HDAC9: variants seen among roughly 807,000 people sequenced by gnomAD.
The protein encoded by HDAC9 is MEF-2 interacting transcription repressor (MITR) protein.
HDAC9 carries 41 observed loss-of-function variants against 139.4 expected under a neutral mutation model. That is an observed-to-expected ratio of 0.29 (90% CI 0.23 to 0.38). The LOEUF (loss-of-function observed/expected upper bound fraction) is 0.38. HDAC9 is among the 10% of genes least tolerant of loss of function. The probability of loss-of-function intolerance (pLI) is 1.00; values close to 1 mark genes in which losing one functional copy is unlikely to be tolerated. For missense variants in HDAC9, 1,147 were observed against 1,297.0 expected (o/e 0.88, Z 1.78); for synonymous variants, 517 against 476.2 (o/e 1.09, Z -1.12).
intron 22 of HDAC9, 138 bp downstream of exon 22, chr7:18,874,734 G>A (rs181695034): frequency 2.2e-5 from 13 of 602,644 alleles, no homozygotes; most frequent in Admixed American, 5.5e-5. Flanking sequence ...GGTGTTTATT[G>A]CTCTGTCGGA....
chr7:18,706,160 C>CTTTTTTTTT (rs1165670432), intron 12 of HDAC9, among the ~76,000 whole-genome samples: 37 of 86,758 alleles, frequency 4.3e-4, no homozygotes, highest in East Asian at 7.4e-4. Context: ...GAAAGTTTTC[C>CTTTTTTTTT]TTTTTTTTTT....
chr7:18,780,121 C>T (rs1791119818), intron 16 of HDAC9, among the ~76,000 whole-genome samples: 1 of 152,022 alleles, frequency 6.6e-6, no homozygotes, highest in Admixed American at 6.6e-5. Context: ...GGCATTGCTA[C>T]TCATCCGTGG....
At chr7:18,695,518 CA>C (rs1782982334) in intron 12 of HDAC9, among the ~76,000 whole-genome samples, 1 of 152,150 alleles carries the variant, frequency 6.6e-6, no homozygotes, top group Admixed American at 6.5e-5. Context: ...CACTTCCAAT[CA>C]GTGACCAGAA....
intron 1 of HDAC9, among the ~76,000 whole-genome samples, chr7:18,122,234 A>G (rs1270466632): frequency 3.3e-5 from 5 of 152,198 alleles, no homozygotes; most frequent in Non-Finnish European, 5.9e-5. Flanking sequence ...CATATTTACC[A>G]GTTGAATAAA....
intron 23 of HDAC9, among the ~76,000 whole-genome samples, chr7:18,938,230 C>CA (rs71553939): frequency 0.44 from 32,444 of 74,106 alleles, 7,721 homozygotes; most frequent in East Asian, 0.65. Flanking sequence ...GACTCCGTCT[C>CA]AAAAAAAAAA....
intron 8 of HDAC9, among the ~76,000 whole-genome samples, chr7:18,641,403 G>A (rs1248191407): frequency 1.5e-5 from 2 of 132,502 alleles, no homozygotes; most frequent in African/African-American, 5.0e-5. Context: ...CAAAGAATTA[G>A]CTCTTTACTT....
Position 18,767,088 on chromosome 7 carries a change from T to C in HDAC9, c.2165-18T>C. 7.5e-7 allele frequency: 1 copy of C among 1,325,466 alleles called. No individual in the cohort carries two copies. The highest frequency in any genetic ancestry group is 2.6e-5 in the East Asian group (1 of 38,626). 82.1% of individuals were successfully genotyped at this position (1,325,466 alleles called of 1,614,324 possible). A position where few individuals can be genotyped will look rare whatever the true frequency, so the allele number is the denominator to read the frequency against. On this transcript the variant is annotated intron_variant, in intron 15 of 25. Coordinates refer to ENST00000686413, the MANE Select transcript of HDAC9 (RefSeq NM_178425.4). ...AACCTCCATTTATCTATATTTTTTA[T>C]GTCTTCTTACTGTATAGGTGATGAC...
At chr7:18,812,569 G>A (rs1794257707) in intron 17 of HDAC9, among the ~76,000 whole-genome samples, 1 of 151,614 alleles carries the variant, frequency 6.6e-6, no homozygotes, top group Middle Eastern at 3.2e-3. Context: ...TTGTTGAAAA[G>A]ATGTATATTT....
rs1382085113 is a variant in HDAC9, at chr7:19,002,343, CTTTTG to C, written c.*6288_*6292del. On this transcript the variant is annotated 3_prime_UTR_variant, in exon 26 of 26. Transcript: ENST00000686413. ...TCCTTTGAATAGAATAAAATAACCC[CTTTTG>C]TTTTGTGTTTTCTACTGAATTAGAT... 4.6e-5 allele frequency: 7 copies of C among 151,978 alleles called. No homozygotes were observed. The highest frequency in any genetic ancestry group is 8.8e-5 in the Non-Finnish European group (6 of 67,934). 9.4% of individuals were successfully genotyped at this position (151,978 alleles called of 1,614,324 possible).
intron 22 of HDAC9, among the ~76,000 whole-genome samples, chr7:18,910,772 G>A (rs1259996715): frequency 6.6e-6 from 1 of 151,796 alleles, no homozygotes; most frequent in Non-Finnish European, 1.5e-5. Flanking sequence ...TTTTGTCTAA[G>A]TTGAACCATC....
chr7:18,893,809 G>C (rs1800918328), intron 22 of HDAC9, among the ~76,000 whole-genome samples: 1 of 152,200 alleles, frequency 6.6e-6, no homozygotes, highest in South Asian at 2.1e-4. Flanking sequence ...GATCAGAAAT[G>C]GCCTCACTTA....
At chr7:18,794,213 T>C (rs1470367711) in intron 17 of HDAC9, among the ~76,000 whole-genome samples, 1 of 152,196 alleles carries the variant, frequency 6.6e-6, no homozygotes, top group Non-Finnish European at 1.5e-5. Context: ...GTTCACACAC[T>C]TCATGACGCA....
chr7:18,610,205 A>G (rs529144039), intron 6 of HDAC9, among the ~76,000 whole-genome samples: 1 of 152,320 alleles, frequency 6.6e-6, no homozygotes, highest in Admixed American at 6.5e-5. Context: ...TTAAGAAGCA[A>G]GCACCAAATA....
intron 22 of HDAC9, among the ~76,000 whole-genome samples, chr7:18,875,150 C>A (rs898608095): frequency 1.3e-5 from 2 of 151,946 alleles, no homozygotes; most frequent in East Asian, 3.9e-4. Context: ...CAACTGGACA[C>A]CACATGAAGA....
At chr7:18,587,247 A>T (rs1829731658) in intron 3 of HDAC9, among the ~76,000 whole-genome samples, 1 of 152,196 alleles carries the variant, frequency 6.6e-6, no homozygotes, top group African/African-American at 2.4e-5. Flanking sequence ...ATTTGGCACA[A>T]GCAAAACAAT....
At chr7:18,945,472 GA>G in intron 23 of HDAC9, among the ~76,000 whole-genome samples, 1 of 152,124 alleles carries the variant, frequency 6.6e-6, no homozygotes, top group Non-Finnish European at 1.5e-5. Context: ...TTTGATAATT[GA>G]AAGTAACTTT....
chr7:18,725,317 G>A (rs978658917), intron 12 of HDAC9, among the ~76,000 whole-genome samples: 1 of 152,138 alleles, frequency 6.6e-6, no homozygotes, highest in African/African-American at 2.4e-5. Context: ...GCCCCTGAAA[G>A]TCATACTGCA....
intron 1 of HDAC9, among the ~76,000 whole-genome samples, chr7:18,375,491 A>T (rs1471051959): frequency 6.6e-6 from 1 of 152,078 alleles, no homozygotes; most frequent in African/African-American, 2.4e-5. Context: ...ACAACAAAAA[A>T]AAAACAAAAG....
intron 2 of HDAC9, among the ~76,000 whole-genome samples, chr7:18,274,261 C>G (rs534047979): frequency 3.9e-5 from 6 of 152,232 alleles, no homozygotes; most frequent in Non-Finnish European, 8.8e-5. Flanking sequence ...TTATTTGGCT[C>G]TCAATTCAAG....
Sources: gnomAD v4.1 joint callset for allele counts (sites outside exome capture counted in the v4.1 genomes callset) on GRCh38, gnomAD v4.1.1 for gene constraint, MANE v1.5 for transcripts, NCBI Gene and HGNC (gene_info 2026-07-23, HGNC 2026-07-21) for gene names.